BRD10: variants seen among roughly 807,000 people sequenced by gnomAD.
BRD10 encodes the protein bromodomain containing 10.
chr9:5,961,283 T>A, the BRD10 span, among the ~76,000 whole-genome samples: 1 of 152,268 alleles, frequency 6.6e-6, no homozygotes, highest in East Asian at 1.9e-4. Context: ...CAAGGAAAAT[T>A]TTAACAAGTC....
the BRD10 span, among the ~76,000 whole-genome samples, chr9:5,946,954 C>G: frequency 6.6e-6 from 1 of 151,248 alleles, no homozygotes; most frequent in Non-Finnish European, 1.5e-5. Context: ...ACACAGTTAT[C>G]TCTTCATAGA....
the BRD10 span, among the ~76,000 whole-genome samples, chr9:5,915,679 A>G: frequency 6.6e-6 from 1 of 152,156 alleles, no homozygotes; most frequent in Non-Finnish European, 1.5e-5. Context: ...CTCTTACATG[A>G]AACCTTCTCT....
chr9:5,979,928 T>G, the BRD10 span, among the ~76,000 whole-genome samples: 1 of 145,724 alleles, frequency 6.9e-6, no homozygotes, highest in African/African-American at 2.6e-5. Context: ...GGTGGGAGAA[T>G]CACTTGAACC....
At chr9:5,893,880 C>T in the BRD10 span, among the ~76,000 whole-genome samples, 4 of 151,560 alleles carry the variant, frequency 2.6e-5, no homozygotes, top group Admixed American at 2.0e-4. Flanking sequence ...AAGGGGCACA[C>T]GTCACTTCTG....
the BRD10 span, chr9:5,908,534 C>A: frequency 2.0e-6 from 2 of 979,228 alleles, no homozygotes; most frequent in Non-Finnish European, 1.6e-6. Context: ...TTAGAAATTT[C>A]AGTCCACAGG....
At chr9:5,959,621 T>C in the BRD10 span, among the ~76,000 whole-genome samples, 2 of 152,202 alleles carry the variant, frequency 1.3e-5, no homozygotes, top group Non-Finnish European at 1.5e-5. Flanking sequence ...TCAGCTGGTA[T>C]GCTAAAAGTT....
At chr9:5,900,444 G>A in the BRD10 span, among the ~76,000 whole-genome samples, 3 of 152,126 alleles carry the variant, frequency 2.0e-5, no homozygotes, top group Non-Finnish European at 4.4e-5. Context: ...GAGATCAGCA[G>A]TCTAATAAGT....
At chr9:5,936,340 G>C in the BRD10 span, among the ~76,000 whole-genome samples, 1 of 152,168 alleles carries the variant, frequency 6.6e-6, no homozygotes, top group Non-Finnish European at 1.5e-5. Context: ...GGGTGACAGA[G>C]TGAGACCCTG....
the BRD10 span, chr9:5,910,711 C>G: frequency 6.6e-6 from 1 of 152,138 alleles, no homozygotes; most frequent in South Asian, 2.1e-4. Flanking sequence ...GCTGAGTCTG[C>G]CAGAAAGAAA....
At chr9:5,968,090 G>C in the BRD10 span, 7 of 1,564,874 alleles carry the variant, frequency 4.5e-6, no homozygotes, top group East Asian at 4.6e-5. Context: ...AGGTTTGTAA[G>C]ACTTGAATGC....
the BRD10 span, chr9:5,923,243 G>T: frequency 1.2e-6 from 2 of 1,613,666 alleles, no homozygotes; most frequent in Non-Finnish European, 1.7e-6. Flanking sequence ...GTCTTTTGAA[G>T]GCAATTCCTT....
At chr9:5,922,709 C>T in the BRD10 span, 2 of 1,613,928 alleles carry the variant, frequency 1.2e-6, no homozygotes. Context: ...GATTTTTTCT[C>T]CTGTTTTAGG....
At chr9:5,922,823 G>T in the BRD10 span, 31 of 1,613,868 alleles carry the variant, frequency 1.9e-5, no homozygotes, top group African/African-American at 3.7e-4. Context: ...AGGACCTTTT[G>T]TATTGGTGTG....
chr9:5,921,474 A>C, the BRD10 span: 1 of 1,613,992 alleles, frequency 6.2e-7, no homozygotes, highest in Non-Finnish European at 8.5e-7. Flanking sequence ...GCATTAATAA[A>C]AACTAATTTC....
At chr9:5,990,454 G>A in the BRD10 span, among the ~76,000 whole-genome samples, 1 of 152,090 alleles carries the variant, frequency 6.6e-6, no homozygotes, top group African/African-American at 2.4e-5. Flanking sequence ...GGAAAACTGA[G>A]AAAAATGGCA....
chr9:5,919,772 A>G, the BRD10 span: 1 of 1,613,660 alleles, frequency 6.2e-7, no homozygotes, highest in Non-Finnish European at 8.5e-7. Flanking sequence ...AGATACAACA[A>G]TCTGAGAGAG....
the BRD10 span, among the ~76,000 whole-genome samples, chr9:6,006,373 A>G: frequency 6.6e-6 from 1 of 152,242 alleles, no homozygotes; most frequent in Admixed American, 6.5e-5. Flanking sequence ...TTCAACTACC[A>G]ATACCAAAAA....
chr9:5,963,462 T>A, the BRD10 span, among the ~76,000 whole-genome samples: 1 of 144,326 alleles, frequency 6.9e-6, no homozygotes, highest in African/African-American at 2.6e-5. Context: ...ATCAATATCG[T>A]GAAAATGGCC....
chr9:5,921,207 T>C, the BRD10 span: 1 of 1,613,960 alleles, frequency 6.2e-7, no homozygotes, highest in Non-Finnish European at 8.5e-7. Context: ...TGTAATATGT[T>C]AATTGATGGT....
Sources: allele counts gnomAD v4.1 joint callset (sites outside exome capture counted in the v4.1 genomes callset), GRCh38; gene constraint gnomAD v4.1.1; transcripts MANE v1.5; gene names NCBI Gene and HGNC (gene_info 2026-07-23, HGNC 2026-07-21).